TTC29: variants seen among roughly 807,000 people sequenced by gnomAD.
TTC29 encodes the protein tetratricopeptide repeat domain 29.
Under a neutral mutation model 58.1 loss-of-function variants are expected in TTC29, and 49 were observed. That is an observed-to-expected ratio of 0.84 (90% CI 0.67 to 1.07). TTC29 has a LOEUF of 1.07. Among genes scored for constraint, TTC29 ranks in the 50% least tolerant of loss-of-function variants. The probability of loss-of-function intolerance (pLI) is 0.00; values close to 1 mark genes in which losing one functional copy is unlikely to be tolerated. For missense variants in TTC29, 582 were observed against 555.6 expected (o/e 1.05, Z -0.48); for synonymous variants, 209 against 196.8 (o/e 1.06, Z -0.52).
At chr4:146,886,288 G>T (rs75782933) in intron 6 of TTC29, among the ~76,000 whole-genome samples, 1 of 151,982 alleles carries the variant, frequency 6.6e-6, no homozygotes, top group Non-Finnish European at 1.5e-5. Context: ...TTGTTGAACA[G>T]CCCAATTCAT....
At chr4:146,920,554 A>C (rs1019518533) in intron 4 of TTC29, among the ~76,000 whole-genome samples, 2 of 151,044 alleles carry the variant, frequency 1.3e-5, no homozygotes, top group Non-Finnish European at 3.0e-5. Flanking sequence ...AAATAACAAA[A>C]ACTGCATGTG....
At chr4:146,898,035 G>T (rs998319551) in intron 6 of TTC29, among the ~76,000 whole-genome samples, 1 of 152,090 alleles carries the variant, frequency 6.6e-6, no homozygotes, top group African/African-American at 2.4e-5. Context: ...AAGATGGGAT[G>T]GATACTGTAC....
chr4:146,835,752 C>G (rs1016745470), intron 8 of TTC29, among the ~76,000 whole-genome samples: 1 of 152,140 alleles, frequency 6.6e-6, no homozygotes, highest in African/African-American at 2.4e-5. Flanking sequence ...TGACCCTGAT[C>G]TCCATGGGCT....
chr4:146,900,552 C>T (rs188585694), intron 6 of TTC29, among the ~76,000 whole-genome samples: 2 of 152,014 alleles, frequency 1.3e-5, no homozygotes, highest in Admixed American at 6.6e-5. Flanking sequence ...AACATGGTGC[C>T]GTGCGTACTA....
intron 11 of TTC29, among the ~76,000 whole-genome samples, chr4:146,796,129 A>C (rs888804236): frequency 6.6e-6 from 1 of 151,840 alleles, no homozygotes; most frequent in Non-Finnish European, 1.5e-5. Flanking sequence ...AGTGATGATG[A>C]GTTCAGTGTA....
chr4:146,806,246 G>C (rs943806104), intron 10 of TTC29, among the ~76,000 whole-genome samples: 3 of 152,174 alleles, frequency 2.0e-5, no homozygotes, highest in Admixed American at 1.3e-4. Context: ...ACTAAATATG[G>C]AAAGGAAAAA....
chr4:146,707,508 T>A lies in TTC29; in HGVS notation c.1374A>T (p.Ser458=). Residue 458 remains serine (S), a synonymous_variant, in exon 12 of 13, where the codon TCA becomes TCT. Transcript: ENST00000325106. The part of the protein sequence containing the change: ...GSTVEAVSQN[S]ERLEELSRFP... ...ACCTACTGAGTTCTTCCAAACGTTC[T>A]GAGTTTTGAGATACAGCTTCCACTG... 2 of 1,610,602 alleles carry A rather than the reference T, an allele frequency of 1.2e-6. No homozygotes were observed. Among genetic ancestry groups the A allele is most frequent in the Non-Finnish European group, 1.7e-6 (2 of 1,178,878 alleles).
intron 7 of TTC29, 43 bp downstream of exon 7, chr4:146,874,673 A>G: frequency 7.0e-7 from 1 of 1,434,362 alleles, no homozygotes; most frequent in Non-Finnish European, 9.6e-7. Flanking sequence ...AACAGTGTCT[A>G]CCCATTAAAG....
chr4:146,905,424 A>G (rs1733457193), intron 5 of TTC29, among the ~76,000 whole-genome samples: 1 of 150,968 alleles, frequency 6.6e-6, no homozygotes, highest in African/African-American at 2.4e-5. Flanking sequence ...AACATTTCAT[A>G]AGGTTTTTTT....
intron 11 of TTC29, among the ~76,000 whole-genome samples, chr4:146,777,220 G>T (rs1353412099): frequency 6.6e-6 from 1 of 152,150 alleles, no homozygotes; most frequent in South Asian, 2.1e-4. Flanking sequence ...GGGAAAAACC[G>T]CAATTGCTTT....
At chr4:146,767,875 G>T (rs1183487403) in intron 11 of TTC29, among the ~76,000 whole-genome samples, 1 of 152,038 alleles carries the variant, frequency 6.6e-6, no homozygotes, top group East Asian at 1.9e-4. Context: ...TCATAACTTT[G>T]TGTGTTGAAA....
chr4:146,802,245 A>C (rs1239493843), intron 11 of TTC29, among the ~76,000 whole-genome samples: 1 of 152,190 alleles, frequency 6.6e-6, no homozygotes, highest in Non-Finnish European at 1.5e-5. Flanking sequence ...TTCTGGGCAG[A>C]AAATATGCGA....
intron 5 of TTC29, among the ~76,000 whole-genome samples, chr4:146,908,569 C>A (rs1418844023): frequency 6.6e-6 from 1 of 152,096 alleles, no homozygotes; most frequent in Admixed American, 6.5e-5. Flanking sequence ...AAGATAAATT[C>A]TCTGATTCAA....
At chr4:146,750,004 C>T (rs1338628663) in intron 11 of TTC29, among the ~76,000 whole-genome samples, 1 of 151,166 alleles carries the variant, frequency 6.6e-6, no homozygotes, top group Non-Finnish European at 1.5e-5. Flanking sequence ...AATTTATTGC[C>T]ACTATACCTG....
At chr4:146,802,690 G>T (rs1051532130) in intron 11 of TTC29, among the ~76,000 whole-genome samples, 4 of 152,154 alleles carry the variant, frequency 2.6e-5, no homozygotes, top group East Asian at 1.9e-4. Context: ...CATTACAAAA[G>T]GTTTGCCTTA....
chr4:146,712,975 C>T (rs1015324459), intron 11 of TTC29, among the ~76,000 whole-genome samples: 3 of 152,094 alleles, frequency 2.0e-5, no homozygotes, highest in Non-Finnish European at 4.4e-5. Context: ...TAACTCTCCA[C>T]CTTCCTAACC....
intron 9 of TTC29, among the ~76,000 whole-genome samples, chr4:146,828,987 G>T (rs1561166357): frequency 1.3e-5 from 2 of 152,170 alleles, no homozygotes; most frequent in Non-Finnish European, 2.9e-5. Flanking sequence ...CTTACAGAAA[G>T]GGTACAGCTT....
intron 11 of TTC29, among the ~76,000 whole-genome samples, chr4:146,726,589 G>A (rs1186801055): frequency 2.6e-5 from 4 of 152,008 alleles, no homozygotes; most frequent in African/African-American, 9.7e-5. Context: ...TCTTGCTCAA[G>A]GTTTTGTGAT....
In TTC29 at chr4:146,741,182, A is replaced by G. The variant is rs1745117879; in HGVS notation, c.1331-33631T>C. Among the ~76,000 whole-genome samples, 4 of 152,218 alleles carry G rather than the reference A, an allele frequency of 2.6e-5. No individual in the cohort carries two copies. In the South Asian group the frequency reaches 8.3e-4, roughly 32 times the overall value. ...GGCCATTTTAGTGCAAACACATGAT[A>G]CGTAAGTAATATTTTAGATCCAGGG... On this transcript the variant is annotated intron_variant, in intron 11 of 12. Coordinates refer to ENST00000325106, the MANE Select transcript of TTC29 (RefSeq NM_031956.4).
Sources: gnomAD v4.1 joint callset for allele counts (sites outside exome capture counted in the v4.1 genomes callset) on GRCh38, gnomAD v4.1.1 for gene constraint, MANE v1.5 for transcripts, NCBI Gene and HGNC (gene_info 2026-07-23, HGNC 2026-07-21) for gene names.